RARB: variants seen among roughly 807,000 people sequenced by gnomAD.
The protein encoded by RARB is HBV-activated protein.
In RARB, 17 loss-of-function variants were observed where a neutral mutation model predicts 51.9. That is an observed-to-expected ratio of 0.33 (90% confidence interval 0.22 to 0.49). RARB has a LOEUF of 0.49. Among genes scored for constraint, RARB ranks in the 20% least tolerant of loss-of-function variants. The probability of loss-of-function intolerance (pLI) is 0.99; values close to 1 mark genes in which losing one functional copy is unlikely to be tolerated. For synonymous variants in RARB, 215 were observed against 195.4 expected (o/e 1.10, Z -0.84); for missense variants, 369 against 550.8 (o/e 0.67, Z 3.30).
At chr3:25,359,173 A>T (rs1312351697) in intron 5 of RARB, among the ~76,000 whole-genome samples, 1 of 152,038 alleles carries the variant, frequency 6.6e-6, no homozygotes, top group East Asian at 1.9e-4. Context: ...TTTTTGGTCT[A>T]TTCAGGGATT....
At chr3:24,947,672 T>C (rs1354204867) in intron 2 of RARB, among the ~76,000 whole-genome samples, 1 of 152,068 alleles carries the variant, frequency 6.6e-6, no homozygotes, top group African/African-American at 2.4e-5. Flanking sequence ...ATGGTAAGAG[T>C]AGCATGATTG....
At chr3:25,593,028 T>C (rs1701672342) in intron 5 of RARB, among the ~76,000 whole-genome samples, 1 of 152,140 alleles carries the variant, frequency 6.6e-6, no homozygotes, top group African/African-American at 2.4e-5. Context: ...ATTTGTAAAA[T>C]AAGAATAATA....
rs1338812962 is a variant in RARB, at chr3:25,569,740, C to T, written c.449-18C>T. 1.2e-6 allele frequency: 2 copies of T among 1,610,048 alleles called. No individual in the cohort carries two copies. Among genetic ancestry groups the T allele is most frequent in the African/African-American group, 1.3e-5 (1 of 74,792 alleles). ...CAGCCTTCAGCGACCCCTGATGTGCCTTCTCTCTCGTTTCCAGCTGTCAGG... is the reference window on the plus strand; with the variant it reads ...CAGCCTTCAGCGACCCCTGATGTGCTTTCTCTCTCGTTTCCAGCTGTCAGG... On this transcript the variant is annotated intron_variant, in intron 3 of 7. Coordinates refer to ENST00000330688, the MANE Select transcript of RARB (RefSeq NM_000965.5).
chr3:24,989,236 A>G (rs1204410044), intron 2 of RARB, among the ~76,000 whole-genome samples: 2 of 152,244 alleles, frequency 1.3e-5, no homozygotes, highest in Non-Finnish European at 2.9e-5. Flanking sequence ...TGTGGCAGGA[A>G]TGCGAGCCCA....
At chr3:25,057,772 T>C (rs896018048) in intron 2 of RARB, among the ~76,000 whole-genome samples, 3 of 152,040 alleles carry the variant, frequency 2.0e-5, no homozygotes, top group Admixed American at 2.0e-4. Flanking sequence ...TTCCAAATGA[T>C]TGAGAAAGCT....
At chr3:24,956,280 C>G (rs1293104665) in intron 2 of RARB, among the ~76,000 whole-genome samples, 1 of 152,150 alleles carries the variant, frequency 6.6e-6, no homozygotes, top group Non-Finnish European at 1.5e-5. Flanking sequence ...ATTTCCAGGT[C>G]TCAGTTTTCT....
intron 5 of RARB, among the ~76,000 whole-genome samples, chr3:25,397,024 G>A (rs75815317): frequency 0.052 from 7,925 of 152,168 alleles, 210 homozygotes; most frequent in Middle Eastern, 0.082. Context: ...GGTTTCTTGC[G>A]CGCATATCTG....
At chr3:25,475,710 A>G (rs570007366) in intron 2 of RARB, among the ~76,000 whole-genome samples, 1 of 152,272 alleles carries the variant, frequency 6.6e-6, no homozygotes, top group African/African-American at 2.4e-5. Context: ...CCTCTGCCAT[A>G]TCCACGCTGA....
At chr3:24,923,319 G>A (rs1221521279) in intron 2 of RARB, among the ~76,000 whole-genome samples, 1 of 152,016 alleles carries the variant, frequency 6.6e-6, no homozygotes, top group Non-Finnish European at 1.5e-5. Context: ...AAGCATTGCT[G>A]AGACTTTAAG....
At chr3:25,192,760 G>A (rs1701135583) in intron 5 of RARB, among the ~76,000 whole-genome samples, 1 of 151,970 alleles carries the variant, frequency 6.6e-6, no homozygotes, top group African/African-American at 2.4e-5. Flanking sequence ...TTGTTCTGTT[G>A]AAAACACCAG....
intron 2 of RARB, among the ~76,000 whole-genome samples, chr3:24,936,003 T>G (rs756465582): frequency 2.0e-5 from 3 of 152,198 alleles, no homozygotes; most frequent in Admixed American, 1.3e-4. Context: ...TGAGGGGATC[T>G]GGATGTCTTC....
At chr3:25,530,503 T>C (rs1276948258) in intron 3 of RARB, among the ~76,000 whole-genome samples, 1 of 152,208 alleles carries the variant, frequency 6.6e-6, no homozygotes, top group Non-Finnish European at 1.5e-5. Context: ...GAGAAACCAC[T>C]TTCTTGTCAT....
At chr3:24,846,085 T>C (rs996635055) in intron 1 of RARB, among the ~76,000 whole-genome samples, 1 of 152,204 alleles carries the variant, frequency 6.6e-6, no homozygotes, top group Admixed American at 6.5e-5. Flanking sequence ...CACTCTGTTA[T>C]TACATTATTT....
intron 4 of RARB, among the ~76,000 whole-genome samples, chr3:25,138,628 TTA>T (rs1228854739): frequency 6.6e-6 from 1 of 152,152 alleles, no homozygotes; most frequent in African/African-American, 2.4e-5. Flanking sequence ...AAGTTCAAGA[TTA>T]TGTTTATTAC....
At chr3:24,935,895 T>G (rs961623625) in intron 2 of RARB, among the ~76,000 whole-genome samples, 3 of 152,198 alleles carry the variant, frequency 2.0e-5, no homozygotes, top group Non-Finnish European at 4.4e-5. Context: ...CTACTCATTT[T>G]TAATCTTTTC....
rs1473568323 is a variant in RARB, at chr3:25,569,644, T to G, written c.449-114T>G. The stretch of plus-strand genomic sequence containing the variant: ...GTTATTACCACCTCTTCCCACTGTT[T>G]CTGTCCCAAATATCAAATGAGCTTA... On this transcript the variant is annotated intron_variant, in intron 3 of 7. Transcript: ENST00000330688. The G allele has an allele frequency of 4.8e-6, 6 of 1,259,598 alleles. No homozygotes were observed. In the East Asian group the frequency reaches 1.4e-4, roughly 29 times the overall value. 78.0% of individuals were successfully genotyped at this position (1,259,598 alleles called of 1,614,324 possible).
chr3:24,889,414 G>C (rs1196883815), intron 2 of RARB, among the ~76,000 whole-genome samples: 1 of 152,116 alleles, frequency 6.6e-6, no homozygotes, highest in Admixed American at 6.5e-5. Context: ...TTACTGCAGT[G>C]TTTACGTTTT....
chr3:24,948,701 G>A (rs1409039007), intron 2 of RARB, among the ~76,000 whole-genome samples: 2 of 152,132 alleles, frequency 1.3e-5, no homozygotes, highest in African/African-American at 4.8e-5. Flanking sequence ...GATCGTGGGG[G>A]CAGATCCCTC....
At chr3:25,127,858 A>G (rs1699886856) in intron 3 of RARB, among the ~76,000 whole-genome samples, 1 of 152,098 alleles carries the variant, frequency 6.6e-6, no homozygotes. Flanking sequence ...ATTTTTACGA[A>G]GAGTAGTTCA....
Sources: gnomAD v4.1 joint callset for allele counts (sites outside exome capture counted in the v4.1 genomes callset) on GRCh38, gnomAD v4.1.1 for gene constraint, MANE v1.5 for transcripts, NCBI Gene and HGNC (gene_info 2026-07-23, HGNC 2026-07-21) for gene names.